The following NRG3 variants were observed in gnomAD, a reference collection of about 807,000 sequenced individuals.
NRG3 encodes the protein neuregulin 3, also known as pro-neuregulin-3, membrane-bound isoform.
In NRG3, 31 loss-of-function variants were observed where a neutral mutation model predicts 66.9. That is an observed-to-expected ratio of 0.46 (90% confidence interval 0.35 to 0.63). NRG3 has a LOEUF of 0.63. Among genes scored for constraint, NRG3 ranks in the 20% least tolerant of loss-of-function variants. NRG3 has a pLI of 0.00. For synonymous variants in NRG3, 393 were observed against 359.4 expected (o/e 1.09, Z -1.06); for missense variants, 910 against 878.9 (o/e 1.04, Z -0.45).
intron 1 of NRG3, among the ~76,000 whole-genome samples, chr10:81,929,250 C>T (rs1230773300): frequency 6.6e-6 from 1 of 152,176 alleles, no homozygotes; most frequent in Non-Finnish European, 1.5e-5. Flanking sequence ...CAACCTCCCT[C>T]TCCATCTGTT....
intron 2 of NRG3, among the ~76,000 whole-genome samples, chr10:82,730,036 T>G (rs2057812198): frequency 6.6e-6 from 1 of 152,120 alleles, no homozygotes; most frequent in Admixed American, 6.6e-5. Context: ...ACTTCTGAAT[T>G]TAAACTTTGC....
intron 2 of NRG3, among the ~76,000 whole-genome samples, chr10:82,564,731 G>T (rs1216698608): frequency 6.6e-6 from 1 of 152,008 alleles, no homozygotes; most frequent in African/African-American, 2.4e-5. Context: ...CAGAGCATAG[G>T]CTGGCATCTC....
intron 1 of NRG3, among the ~76,000 whole-genome samples, chr10:82,138,814 G>A (rs2069557354): frequency 6.6e-6 from 1 of 152,158 alleles, no homozygotes; most frequent in African/African-American, 2.4e-5. Context: ...GAAGCATCCA[G>A]CTTGGGAGAC....
intron 1 of NRG3, among the ~76,000 whole-genome samples, chr10:82,216,609 G>GATAT (rs34744631): frequency 2.7e-4 from 39 of 142,590 alleles, no homozygotes; most frequent in East Asian, 8.2e-4. Flanking sequence ...GATATATATA[G>GATAT]ATATATATAT....
At chr10:82,293,624 G>A (rs560158194) in intron 1 of NRG3, among the ~76,000 whole-genome samples, 1 of 152,160 alleles carries the variant, frequency 6.6e-6, no homozygotes, top group South Asian at 2.1e-4. Context: ...AGCAATGTGG[G>A]GGTCATTATA....
chr10:82,645,179 A>T (rs2050849719), intron 2 of NRG3, among the ~76,000 whole-genome samples: 1 of 152,150 alleles, frequency 6.6e-6, no homozygotes, highest in South Asian at 2.1e-4. Flanking sequence ...ATGATACCAG[A>T]TACCCTTGAA....
chr10:82,172,367 T>C (rs2072691062), intron 1 of NRG3, among the ~76,000 whole-genome samples: 1 of 152,118 alleles, frequency 6.6e-6, no homozygotes, highest in Non-Finnish European at 1.5e-5. Context: ...TTAAAATTTA[T>C]ACCCAAGAAT....
intron 2 of NRG3, among the ~76,000 whole-genome samples, chr10:82,612,028 G>A (rs1366255767): frequency 1.3e-5 from 2 of 152,106 alleles, no homozygotes; most frequent in Non-Finnish European, 2.9e-5. Context: ...GTGATGATGA[G>A]CTTTTTTTCA....
At chr10:82,182,956 C>G (rs921200678) in intron 1 of NRG3, among the ~76,000 whole-genome samples, 25 of 152,114 alleles carry the variant, frequency 1.6e-4, no homozygotes, top group Admixed American at 1.6e-3. Flanking sequence ...TCATTTTTGA[C>G]TGCAAGGTTT....
chr10:82,507,655 G>A (rs1676404090), intron 2 of NRG3, among the ~76,000 whole-genome samples: 1 of 152,156 alleles, frequency 6.6e-6, no homozygotes, highest in African/African-American at 2.4e-5. Flanking sequence ...TTGAGCCTCT[G>A]GGTGGCTACT....
Position 81,935,916 on chromosome 10 carries a change from CACA to C in NRG3, c.823+59754_823+59756del, listed in dbSNP as rs1159938057. 5.2e-3 allele frequency among the ~76,000 whole-genome samples: 784 copies of C among 149,398 alleles called. 6 individuals are homozygous for C. Among genetic ancestry groups the C allele is most frequent in the African/African-American group, 0.014 (543 of 39,608 alleles). On this transcript the variant is annotated intron_variant, in intron 1 of 8. Coordinates refer to ENST00000372141, the MANE Select transcript of NRG3 (RefSeq NM_001010848.4). ...ACACACACACACACACACACACACA[CACA>C]CACACAGTTTCCTGTGTTAAAATGG...
chr10:82,885,206 T>C (rs1842626427), intron 4 of NRG3, among the ~76,000 whole-genome samples: 1 of 152,224 alleles, frequency 6.6e-6, no homozygotes, highest in Non-Finnish European at 1.5e-5. Flanking sequence ...TATGGTTATG[T>C]ATATATTTTA....
At chr10:82,043,409 G>A (rs1451398138) in intron 1 of NRG3, among the ~76,000 whole-genome samples, 1 of 151,890 alleles carries the variant, frequency 6.6e-6, no homozygotes, top group African/African-American at 2.4e-5. Context: ...TCTTTGCTTT[G>A]CTTGTTCTTG....
intron 1 of NRG3, among the ~76,000 whole-genome samples, chr10:82,202,897 T>A (rs539584831): frequency 6.6e-6 from 1 of 152,290 alleles, no homozygotes; most frequent in African/African-American, 2.4e-5. Context: ...TAAAAGTCAG[T>A]TCTTAAAAGT....
chr10:82,325,827 T>G lies in NRG3; in HGVS notation c.824-32912T>G, dbSNP rs74144367. Among the ~76,000 whole-genome samples the G allele has an allele frequency of 0.023, 3,504 of 152,264 alleles. 175 individuals carry two copies. The East Asian group carries it at 0.24, about 10-fold the overall frequency. On this transcript the variant is annotated intron_variant, in intron 1 of 8. Transcript: ENST00000372141. ...TCCCCTCCTCATCTTTATGCTACTGTTATCAAACATTGTATATACATATAC... is the reference window on the plus strand; with the variant it reads ...TCCCCTCCTCATCTTTATGCTACTGGTATCAAACATTGTATATACATATAC...
intron 1 of NRG3, among the ~76,000 whole-genome samples, chr10:82,004,254 T>C (rs1365958747): frequency 6.6e-6 from 1 of 152,166 alleles, no homozygotes; most frequent in Middle Eastern, 3.2e-3. Context: ...TACTGGTGTA[T>C]ATTGGATTGT....
At chr10:82,483,012 T>G (rs1842407403) in intron 2 of NRG3, among the ~76,000 whole-genome samples, 1 of 152,154 alleles carries the variant, frequency 6.6e-6, no homozygotes, top group African/African-American at 2.4e-5. Flanking sequence ...AGAATTTTCT[T>G]AAATGGGTTA....
At chr10:81,898,686 A>G (rs1843743829) in intron 1 of NRG3, among the ~76,000 whole-genome samples, 1 of 151,166 alleles carries the variant, frequency 6.6e-6, no homozygotes, top group Non-Finnish European at 1.5e-5. Flanking sequence ...AATAAATAAT[A>G]CGTGTTTGAA....
At chr10:81,910,529 G>A (rs562984864) in intron 1 of NRG3, among the ~76,000 whole-genome samples, 1 of 150,898 alleles carries the variant, frequency 6.6e-6, no homozygotes, top group African/African-American at 2.5e-5. Context: ...TTTAACCTTA[G>A]TGATAACAAT....
Sources: gnomAD v4.1 joint callset for allele counts (sites outside exome capture counted in the v4.1 genomes callset) on GRCh38, gnomAD v4.1.1 for gene constraint, MANE v1.5 for transcripts, NCBI Gene and HGNC (gene_info 2026-07-23, HGNC 2026-07-21) for gene names.